MEST: variants seen among roughly 807,000 people sequenced by gnomAD.
MEST encodes mesoderm specific transcript.
Under a neutral mutation model 50.9 loss-of-function variants are expected in MEST, and 18 were observed. The ratio of observed to expected loss-of-function variants is 0.35; its 90% CI spans 0.24 to 0.52. The LOEUF is 0.52. Among genes scored for constraint, MEST ranks in the 20% least tolerant of loss-of-function variants. The pLI, the probability that MEST is intolerant of heterozygous loss-of-function variation, is 0.94. For synonymous variants in MEST, 130 were observed against 154.1 expected (o/e 0.84, Z 1.16); for missense variants, 282 against 425.3 (o/e 0.66, Z 2.96).
rs34288832 is a variant in MEST at position 130,505,373 on chromosome 7, C to CT, written c.*325dup. 7.9e-5 allele frequency: 14 copies of CT among 176,584 alleles called. No individual in the cohort carries two copies. The highest frequency in any genetic ancestry group is 1.6e-4 in the South Asian group (1 of 6,368). 10.9% of individuals were successfully genotyped at this position (176,584 alleles called of 1,614,324 possible). A position where few individuals can be genotyped will look rare whatever the true frequency, so the allele number is the denominator to read the frequency against. ...GAAAGACGTTCTTTTGCATAAAAGA[C>CT]TTTTTTTTAACACTTTGGACTTCTC... is the stretch of plus-strand genomic sequence containing the variant. On this transcript the variant is annotated 3_prime_UTR_variant, in exon 12 of 12. Coordinates refer to ENST00000223215, the MANE Select transcript of MEST (RefSeq NM_002402.4).
rs782769130 is a variant in MEST, at chr7:130,492,519, C to T, written c.26+180C>T. On this transcript the variant is annotated intron_variant, in intron 1 of 11. Coordinates refer to ENST00000223215, the MANE Select transcript of MEST (RefSeq NM_002402.4). The surrounding 1 kb of genome is among the most constrained non-coding windows in gnomAD (Gnocchi z 7.6). ...TTGAGGAGGGGGTGTCACTCCTGCC[C>T]GCAATGGAATGTTCAGAACGCGGGA... The T allele has an allele frequency of 3.3e-5, 14 of 424,856 alleles. No individual in the cohort carries two copies. Among genetic ancestry groups the T allele is most frequent in the South Asian group, 1.2e-4 (1 of 8,174 alleles). 26.3% of individuals were successfully genotyped at this position (424,856 alleles called of 1,614,324 possible).
upstream of MEST, chr7:130,488,599 C>T (rs1451038169): frequency 2.0e-5 from 3 of 152,224 alleles, no homozygotes; most frequent in Admixed American, 2.0e-4. Flanking sequence ...TGCCGTATCT[C>T]TCTCTGAAAT....
rs1388243270 is a variant in MEST at position 130,495,504 on chromosome 7, C to G, written c.163C>G (p.Leu55Val). 4 of 1,614,028 alleles carry G rather than the reference C, an allele frequency of 2.5e-6. No individual in the cohort carries two copies. In the African/African-American group the frequency reaches 5.3e-5, roughly 22 times the overall value. The change falls in exon 2 of 12, where the codon CTG becomes GTG. Residue 55 changes from leucine to valine, a missense_variant. Leu to Val is a conservative substitution (Grantham distance 32). Transcript: ENST00000223215. Reference protein sequence around the residue: ...SSGKFFTYKGLRIFYQDSVGV... With the variant: ...SSGKFFTYKGVRIFYQDSVGV... ...AGGCAAGTTTTTCACTTACAAGGGA[C>G]TGCGTATCTTCTACCAAGGTAAGAA...
intron 2 of MEST, chr7:130,496,061 T>G (rs782376004): frequency 8.3e-5 from 39 of 469,080 alleles, no homozygotes; most frequent in Non-Finnish European, 1.6e-4. Context: ...ATAGGTGCCA[T>G]TAACCTCATT....
chr7:130,486,906 C>G (rs1314517160), intron 1 of MEST: 4 of 152,914 alleles, frequency 2.6e-5, no homozygotes, highest in African/African-American at 9.7e-5. Context: ...CTGCAGGTGT[C>G]GGTCCAGGTC....
rs1430815776 is a variant in MEST at position 130,492,963 on chromosome 7, G to A, written c.26+624G>A. On this transcript the variant is annotated intron_variant, in intron 1 of 11. Coordinates refer to ENST00000223215, the MANE Select transcript of MEST (RefSeq NM_002402.4). The surrounding 1 kb of genome is among the most constrained non-coding windows in gnomAD (Gnocchi z 7.6). Reference sequence around the variant, plus strand: ...GGCCCCAGCATCGCCCTGGTGCGATGTAGGATTTTTAGAACCCCGGTGTCT... The same window carrying A: ...GGCCCCAGCATCGCCCTGGTGCGATATAGGATTTTTAGAACCCCGGTGTCT... Among the ~76,000 whole-genome samples the A allele has an allele frequency of 6.6e-6, 1 of 152,108 alleles. No homozygotes were observed. The highest frequency in any genetic ancestry group is 1.5e-5 in the Non-Finnish European group (1 of 68,018).
At position 130,497,704 on chromosome 7, in the gene MEST, T is replaced by C; in HGVS notation, c.262-232T>C. The C allele has an allele frequency of 1.8e-6, 1 of 569,504 alleles. No homozygotes were observed. Among genetic ancestry groups the C allele is most frequent in the Non-Finnish European group, 3.1e-6 (1 of 318,446 alleles). 35.3% of individuals were successfully genotyped at this position (569,504 alleles called of 1,614,324 possible). On this transcript the variant is annotated intron_variant, in intron 3 of 11. Coordinates refer to ENST00000223215, the MANE Select transcript of MEST (RefSeq NM_002402.4). This position sits in a 1 kb window ranked among gnomAD's most constrained non-coding sequence, Gnocchi z 4.0. ...TTACTGAAGGGAATAAACAACTCCT[T>C]GGCACTCTGGAAGGGATCACTGCCA...
intron 6 of MEST, among the ~76,000 whole-genome samples, chr7:130,499,442 G>C (rs1799193731): frequency 6.6e-6 from 1 of 152,172 alleles, no homozygotes; most frequent in African/African-American, 2.4e-5. Flanking sequence ...GAGTGATAGG[G>C]GGAAATGCTA....
At chr7:130,489,562 C>T (rs1798723857), upstream of MEST, 1 of 152,194 alleles carries the variant, frequency 6.6e-6, no homozygotes. Context: ...CTTAGACTTC[C>T]CACAGCGAAT....
upstream of MEST, chr7:130,492,018 C>T: frequency 5.9e-6 from 1 of 169,250 alleles, no homozygotes; most frequent in Non-Finnish European, 1.1e-5. The surrounding 1 kb of genome is among the most constrained non-coding windows in gnomAD (Gnocchi z 7.6). Flanking sequence ...AGGGGTTCTG[C>T]GGCGATGGGC....
At chr7:130,498,634 T>C in intron 6 of MEST, 157 bp downstream of exon 6, 1 of 683,398 alleles carries the variant, frequency 1.5e-6, no homozygotes, top group South Asian at 1.9e-5. Context: ...TTTGGTGGTC[T>C]GACAAGATTT....
At chr7:130,499,848 A>G in intron 6 of MEST, 27 bp from the exon 7 acceptor site, 1 of 1,585,288 alleles carries the variant, frequency 6.3e-7, no homozygotes, top group Non-Finnish European at 8.5e-7. Context: ...GCTGTAGGTA[A>G]ATGACTAAGA....
At chr7:130,494,900 TA>T (rs1341987098) in intron 1 of MEST, 2 of 942,880 alleles carry the variant, frequency 2.1e-6, no homozygotes, top group African/African-American at 1.8e-5. Context: ...AGCACATATA[TA>T]TTTTTTGAAC....
At chr7:130,498,038 G>A (rs1554437546) in intron 4 of MEST, 25 bp downstream of exon 4, 1 of 1,614,042 alleles carries the variant, frequency 6.2e-7, no homozygotes, top group Non-Finnish European at 8.5e-7. Flanking sequence ...TGTGGGGCTG[G>A]TGATGGGGTG....
At chr7:130,493,793 G>A (rs563204065) in intron 1 of MEST, among the ~76,000 whole-genome samples, 2 of 152,164 alleles carry the variant, frequency 1.3e-5, no homozygotes, top group South Asian at 4.1e-4. Flanking sequence ...ATCTGCACAT[G>A]AAAATGTATA....
intron 5 of MEST, 57 bp downstream of exon 5, chr7:130,498,332 CTGTT>C: frequency 6.2e-7 from 1 of 1,610,626 alleles, no homozygotes; most frequent in Non-Finnish European, 8.5e-7. Context: ...TGTTTCTGGA[CTGTT>C]TGTATCCTTT....
At chr7:130,502,015 G>A (rs567190876) in intron 9 of MEST, among the ~76,000 whole-genome samples, 8 of 151,314 alleles carry the variant, frequency 5.3e-5, no homozygotes, top group Middle Eastern at 6.8e-3. Flanking sequence ...AAAAAAAGAA[G>A]TAGATGTCAA....
chr7:130,501,678 CTT>C (rs1203898952), intron 9 of MEST, among the ~76,000 whole-genome samples: 3 of 151,760 alleles, frequency 2.0e-5, no homozygotes, highest in African/African-American at 7.3e-5. Flanking sequence ...TCAGATGAAG[CTT>C]TGTGCTCATC....
At position 130,492,372 on chromosome 7, in the gene MEST, T is replaced by C; in HGVS notation, c.26+33T>C. ...TGCGGTGGGAACGAGGGGGTGTGGC[T>C]GGCGGCCCTGGGACTAGGGCGCAGG... On this transcript the variant is annotated intron_variant, in intron 1 of 11. Transcript: ENST00000223215. This position sits in a 1 kb window ranked among gnomAD's most constrained non-coding sequence, Gnocchi z 7.6. The C allele has an allele frequency of 7.7e-7, 1 of 1,292,452 alleles. No individual in the cohort carries two copies. Among genetic ancestry groups the C allele is most frequent in the South Asian group, 2.8e-5 (1 of 35,860 alleles). The allele number at this position is 1,292,452 out of a possible 1,614,324, so 80.1% of individuals were successfully genotyped here.
Sources: gnomAD v4.1 joint callset for allele counts (sites outside exome capture counted in the v4.1 genomes callset) on GRCh38, gnomAD v4.1.1 for gene constraint, Gnocchi (gnomAD v3.1) non-coding constraint, MANE v1.5 for transcripts, NCBI Gene and HGNC (gene_info 2026-07-23, HGNC 2026-07-21) for gene names.